TRPC4AP: variants seen among roughly 807,000 people sequenced by gnomAD.
TRPC4AP encodes the protein transient receptor potential cation channel subfamily C member 4 associated protein, also known as short transient receptor potential channel 4-associated protein.
TRPC4AP carries 45 observed loss-of-function variants against 99.0 expected under a neutral mutation model. The ratio of observed to expected loss-of-function variants is 0.45; its 90% CI spans 0.36 to 0.58. TRPC4AP has a LOEUF of 0.58. Among genes scored for constraint, TRPC4AP ranks in the 20% least tolerant of loss-of-function variants. The probability of loss-of-function intolerance (pLI) is 0.00; values close to 1 mark genes in which losing one functional copy is unlikely to be tolerated. For missense variants in TRPC4AP, 879 were observed against 985.3 expected, an observed-to-expected ratio of 0.89 and a Z score of 1.44; for synonymous variants, 408 against 385.8, an observed-to-expected ratio of 1.06 and a Z score of -0.67.
At chr20:35,043,247 ATTT>A (rs1167449495) in intron 7 of TRPC4AP, among the ~76,000 whole-genome samples, 2 of 142,838 alleles carry the variant, frequency 1.4e-5, no homozygotes, top group Non-Finnish European at 1.5e-5. Context: ...GCAATGAATA[ATTT>A]TTTTTTTTTT....
chr20:35,033,092 G>A (rs1239612980), intron 8 of TRPC4AP, among the ~76,000 whole-genome samples: 1 of 152,040 alleles, frequency 6.6e-6, no homozygotes, highest in Non-Finnish European at 1.5e-5. Flanking sequence ...AGCTACTCGG[G>A]AGGCTGAGAG....
Position 35,002,985 on chromosome 20 carries a change from G to T in TRPC4AP, c.*161C>A. The T allele has an allele frequency of 1.0e-6, 1 of 985,214 alleles. No individual in the cohort carries two copies. The highest frequency in any genetic ancestry group is 2.5e-5 in the East Asian group (1 of 39,440). 61.0% of individuals were successfully genotyped at this position (985,214 alleles called of 1,614,324 possible). A position where few individuals can be genotyped will look rare whatever the true frequency, so the allele number is the denominator to read the frequency against. The stretch of plus-strand genomic sequence containing the variant: ...ATGACCTAGGGCCCTCAGACCCAGG[G>T]GGACCAAGGGCTTCTAGGACTTCCC... On this transcript the variant is annotated 3_prime_UTR_variant, in exon 19 of 19. Transcript: ENST00000252015.
chr20:35,070,811 G>GGTA (rs1002029096), intron 2 of TRPC4AP, among the ~76,000 whole-genome samples: 3 of 152,044 alleles, frequency 2.0e-5, no homozygotes, highest in African/African-American at 7.2e-5. Flanking sequence ...GCACACATAG[G>GGTA]GTAGTAGTTC....
In TRPC4AP at chr20:35,059,422, G is replaced by A. The variant is rs142695706; in HGVS notation, c.415-1851C>T. ...TGCCTGTAATCCCAAGACTCTGGGC[G>A]GCTGAGGTGGGAGGACTGATTGAAG... is the stretch of plus-strand genomic sequence containing the variant. On this transcript the variant is annotated intron_variant, in intron 3 of 18. Transcript: ENST00000252015. 1.3e-3 allele frequency among the ~76,000 whole-genome samples: 196 copies of A among 152,290 alleles called. 1 individual carries two copies. Among genetic ancestry groups the A allele is most frequent in the African/African-American group, 4.4e-3 (184 of 41,556 alleles).
At chr20:35,009,146 A>C (rs558495772) in intron 12 of TRPC4AP, among the ~76,000 whole-genome samples, 15 of 152,310 alleles carry the variant, frequency 9.8e-5, no homozygotes, top group Admixed American at 2.0e-4. Flanking sequence ...GCCTTGGGCA[A>C]GTGTCCACAA....
chr20:35,021,813 T>C (rs1396951758), intron 8 of TRPC4AP, among the ~76,000 whole-genome samples: 1 of 152,220 alleles, frequency 6.6e-6, no homozygotes, highest in Non-Finnish European at 1.5e-5. Context: ...TTTTGAAGAA[T>C]TCCCCGTTTT....
chr20:35,028,845 C>T (rs895983384), intron 8 of TRPC4AP, among the ~76,000 whole-genome samples: 4 of 152,112 alleles, frequency 2.6e-5, no homozygotes, highest in Non-Finnish European at 4.4e-5. Flanking sequence ...TTTTTGGGGG[C>T]TGTTTTTGGA....
chr20:35,088,585 C>T (rs571009101), intron 1 of TRPC4AP, among the ~76,000 whole-genome samples: 56 of 152,342 alleles, frequency 3.7e-4, no homozygotes, highest in Middle Eastern at 6.8e-3. Context: ...ACACTGGCTA[C>T]GCTTTTAAAA....
intron 8 of TRPC4AP, among the ~76,000 whole-genome samples, chr20:35,023,726 C>A (rs1013441607): frequency 6.6e-6 from 1 of 152,204 alleles, no homozygotes; most frequent in African/African-American, 2.4e-5. Flanking sequence ...TGAGACCTTG[C>A]GTGCTTGGCA....
At chr20:35,038,596 C>CAGAA (rs71196779) in intron 7 of TRPC4AP, among the ~76,000 whole-genome samples, 109,954 of 151,540 alleles carry the variant, frequency 0.73, 40,207 homozygotes, top group Middle Eastern at 0.83. Flanking sequence ...TCTGTACAAA[C>CAGAA]AGGAGTCAAT....
chr20:35,012,352 A>C (rs901082078), intron 11 of TRPC4AP, among the ~76,000 whole-genome samples: 9 of 152,196 alleles, frequency 5.9e-5, no homozygotes, highest in African/African-American at 2.2e-4. Context: ...AAAAAATCAG[A>C]AGTTATGCAA....
intron 5 of TRPC4AP, among the ~76,000 whole-genome samples, chr20:35,050,632 G>C (rs947304654): frequency 1.1e-4 from 17 of 151,862 alleles, no homozygotes; most frequent in African/African-American, 2.9e-4. Context: ...AGGATCATTT[G>C]AGCCCAGAAG....
intron 2 of TRPC4AP, among the ~76,000 whole-genome samples, chr20:35,074,063 A>T (rs548139233): frequency 6.6e-6 from 1 of 152,264 alleles, no homozygotes; most frequent in East Asian, 1.9e-4. Context: ...ATTTCCGTAG[A>T]GGTGTTTATA....
At chr20:35,025,018 A>G (rs926619121) in intron 8 of TRPC4AP, among the ~76,000 whole-genome samples, 8 of 152,004 alleles carry the variant, frequency 5.3e-5, no homozygotes, top group Admixed American at 6.6e-5. Context: ...GCCCTATGAC[A>G]TAACTGTATG....
chr20:35,015,248 G>A (rs1012837865), intron 10 of TRPC4AP, among the ~76,000 whole-genome samples: 4 of 151,970 alleles, frequency 2.6e-5, no homozygotes, highest in Non-Finnish European at 4.4e-5. Context: ...TGATCTGCCC[G>A]CCTTGGCCTT....
chr20:35,018,604 G>GAAAA (rs11479211), intron 9 of TRPC4AP, among the ~76,000 whole-genome samples: 166 of 88,852 alleles, frequency 1.9e-3, no homozygotes, highest in Non-Finnish European at 2.2e-3. Context: ...CTCAAAAAAA[G>GAAAA]AAAAAAAAAA....
rs975335339 is a variant in TRPC4AP, at chr20:35,010,406, A to G, written c.1410-118T>C. 5.0e-6 allele frequency: 4 copies of G among 794,314 alleles called. No individual in the cohort carries two copies. The African/African-American group carries it at 5.2e-5, about 10-fold the overall frequency. The allele number at this position is 794,314 out of a possible 1,614,324, so 49.2% of individuals were successfully genotyped here. A position where few individuals can be genotyped will look rare whatever the true frequency, so the allele number is the denominator to read the frequency against. ...TGTGGACAGAATCTGAGAAGCCACC[A>G]GGCACTTTCCTCTAGCACCTCTCAC... On this transcript the variant is annotated intron_variant, in intron 11 of 18. Coordinates refer to ENST00000252015, the MANE Select transcript of TRPC4AP (RefSeq NM_015638.3).
chr20:35,031,967 C>A (rs1268094552), intron 8 of TRPC4AP, among the ~76,000 whole-genome samples: 1 of 152,212 alleles, frequency 6.6e-6, no homozygotes, highest in Non-Finnish European at 1.5e-5. Flanking sequence ...TCTCAGCACA[C>A]TGCAACCTCT....
chr20:35,058,711 A>G (rs2083902955), intron 3 of TRPC4AP, among the ~76,000 whole-genome samples: 1 of 111,960 alleles, frequency 8.9e-6, no homozygotes, highest in Non-Finnish European at 1.7e-5. Flanking sequence ...TTTTTTTGAG[A>G]CAGAGTCTTG....
Sources: gnomAD v4.1 joint callset for allele counts (sites outside exome capture counted in the v4.1 genomes callset) on GRCh38, gnomAD v4.1.1 for gene constraint, MANE v1.5 for transcripts, NCBI Gene and HGNC (gene_info 2026-07-23, HGNC 2026-07-21) for gene names.